ISL1: variants seen among roughly 807,000 people sequenced by gnomAD.
ISL1 encodes insulin gene enhancer protein ISL-1.
ISL1 carries 4 observed loss-of-function variants against 35.3 expected under a neutral mutation model. The ratio of observed to expected loss-of-function variants is 0.11; its 90% confidence interval spans 0.06 to 0.26. ISL1 has a LOEUF of 0.26. Ranked by LOEUF, ISL1 falls within the 10% of genes least tolerant of loss-of-function variation. ISL1 has a pLI of 1.00. For missense variants in ISL1, 340 were observed against 472.8 expected (o/e 0.72, Z 2.60); for synonymous variants, 186 against 172.3 (o/e 1.08, Z -0.62).
In ISL1 at chr5:51,391,603, G is replaced by GA. The variant is rs575187845; in HGVS notation, c.933+166dup. ...TGAAGAGAAGGGAGACAAATGCAGG[G>GA]AAAACGAACCTCTTGGCATCTTTTT... is the stretch of plus-strand genomic sequence containing the variant. On this transcript the variant is annotated intron_variant, in intron 5 of 5. Transcript: ENST00000230658. 8 of 734,436 alleles carry GA rather than the reference G, an allele frequency of 1.1e-5. No individual in the cohort carries two copies. In the African/African-American group the frequency reaches 1.4e-4, roughly 13 times the overall value. The allele number at this position is 734,436 out of a possible 1,614,324, so 45.5% of individuals were successfully genotyped here.
At position 51,389,633 on chromosome 5, in the gene ISL1, C is replaced by A. The variant is rs750806495; in HGVS notation, c.479-13C>A. ...CCTCCAGCCCAGCGCTCACGGCGCT[C>A]CTTGCCCCGCAGCGGAGCCCATCTC... On this transcript the variant is annotated splice_polypyrimidine_tract_variant and intron_variant, in intron 3 of 5. Coordinates refer to ENST00000230658, the MANE Select transcript of ISL1 (RefSeq NM_002202.3). This position sits in a 1 kb window ranked among gnomAD's most constrained non-coding sequence, Gnocchi z 5.0. 1.2e-6 allele frequency: 2 copies of A among 1,603,470 alleles called. No individual in the cohort carries two copies. The highest frequency in any genetic ancestry group is 8.5e-7 in the Non-Finnish European group (1 of 1,178,118).
intron 5 of ISL1, among the ~76,000 whole-genome samples, chr5:51,392,432 A>G (rs1747539379): frequency 6.6e-6 from 1 of 152,152 alleles, no homozygotes; most frequent in Admixed American, 6.5e-5. Flanking sequence ...TTTTACCCTC[A>G]TATTTACCTG....
At position 51,391,254 on chromosome 5, in the gene ISL1, GT is replaced by G. The variant is rs753177844; in HGVS notation, c.766-18del. 231 of 1,611,524 alleles carry G rather than the reference GT, an allele frequency of 1.4e-4. 1 individual carries two copies. Among genetic ancestry groups the G allele is most frequent in the Admixed American group, 9.2e-4 (55 of 59,988 alleles). Reference sequence around the variant, plus strand: ...TTTGCTCATTAACATGTTGGGATTGGTTGGGGGGCCTATTCACAGAATATCC... The same window carrying G: ...TTTGCTCATTAACATGTTGGGATTGGTGGGGGGCCTATTCACAGAATATCC... On this transcript the variant is annotated intron_variant, in intron 4 of 5. Transcript: ENST00000230658.
In ISL1 at chr5:51,389,964, G is replaced by T. The variant is rs1284110608; in HGVS notation, c.765+32G>T. The T allele has an allele frequency of 2.5e-6, 4 of 1,608,186 alleles. No individual in the cohort carries two copies. The highest frequency in any genetic ancestry group is 3.4e-6 in the Non-Finnish European group (4 of 1,175,976). ...GGCTCTGGGGCCGGGCAGGGAATGC[G>T]AGGGGGAAGGAGACGCAGCGTGCGA... On this transcript the variant is annotated intron_variant, in intron 4 of 5. Coordinates refer to ENST00000230658, the MANE Select transcript of ISL1 (RefSeq NM_002202.3). This position sits in a 1 kb window ranked among gnomAD's most constrained non-coding sequence, Gnocchi z 5.0.
chr5:51,387,877 T>G lies in ISL1; in HGVS notation c.478+128T>G, dbSNP rs1272363048. The G allele has an allele frequency of 5.5e-6, 7 of 1,264,156 alleles. No individual in the cohort carries two copies. In the Admixed American group the frequency reaches 1.4e-4, roughly 25 times the overall value. The allele number at this position is 1,264,156 out of a possible 1,614,324, so 78.3% of individuals were successfully genotyped here. ...GCCTGCAGTTAAATGAAGTGTTCTG[T>G]ATGCAATTTGCGCTGTGCTCTGCTC... is the stretch of plus-strand genomic sequence containing the variant. On this transcript the variant is annotated intron_variant, in intron 3 of 5. Transcript: ENST00000230658. The surrounding 1 kb of genome is among the most constrained non-coding windows in gnomAD (Gnocchi z 4.3).
rs3138746 is a variant in ISL1, at chr5:51,386,376, C to CTGTGTG, written c.219-1082_219-1077dup. 2,446 of 262,692 alleles carry CTGTGTG rather than the reference C, an allele frequency of 9.3e-3. 19 individuals are homozygous for CTGTGTG. Among genetic ancestry groups the CTGTGTG allele is most frequent in the African/African-American group, 0.02 (859 of 43,224 alleles). The allele number at this position is 262,692 out of a possible 1,614,324, so 16.3% of individuals were successfully genotyped here. A position where few individuals can be genotyped will look rare whatever the true frequency, so the allele number is the denominator to read the frequency against. On this transcript the variant is annotated intron_variant, in intron 2 of 5. Coordinates refer to ENST00000230658, the MANE Select transcript of ISL1 (RefSeq NM_002202.3). ...ACCTTCTCTTCACTCTCTCTCAACT[C>CTGTGTG]TGTGTGTGTGTGTGTGTGTGTGTGT...
Position 51,393,536 on chromosome 5 carries a change from A to T in ISL1, c.976A>T (p.Ser326Cys). 6.2e-7 allele frequency: 1 copy of T among 1,614,046 alleles called. No individual in the cohort carries two copies. The highest frequency in any genetic ancestry group is 8.5e-7 in the Non-Finnish European group (1 of 1,179,886). Residue 326 changes from serine to cysteine, a missense_variant, in exon 6 of 6, where the codon AGT becomes TGT. Transcript: ENST00000230658. ...AGGACCGGGCTCTAATTCCACTGGC[A>T]GTGAAGTAGCATCAATGTCCTCTCA... ...EGGPGSNSTG[S>C]EVASMSSQLP...
chr5:51,389,514 G>A lies in ISL1; in HGVS notation c.479-132G>A. On this transcript the variant is annotated intron_variant, in intron 3 of 5. Coordinates refer to ENST00000230658, the MANE Select transcript of ISL1 (RefSeq NM_002202.3). The surrounding 1 kb of genome is among the most constrained non-coding windows in gnomAD (Gnocchi z 5.0). ...GGCTGCAAACCCTAGCCATTGTCCT[G>A]AGTATCTCGGGCGGGCGAGCAAGTA... 1 of 766,744 alleles carries A rather than the reference G, an allele frequency of 1.3e-6. No homozygotes were observed. Among genetic ancestry groups the A allele is most frequent in the East Asian group, 3.4e-5 (1 of 29,358 alleles). The allele number at this position is 766,744 out of a possible 1,614,324, so 47.5% of individuals were successfully genotyped here.
Position 51,389,634 on chromosome 5 carries a change from C to T in ISL1, c.479-12C>T. 2 of 1,604,000 alleles carry T rather than the reference C, an allele frequency of 1.2e-6. No individual in the cohort carries two copies. Among genetic ancestry groups the T allele is most frequent in the Non-Finnish European group, 1.7e-6 (2 of 1,178,298 alleles). ...CTCCAGCCCAGCGCTCACGGCGCTC[C>T]TTGCCCCGCAGCGGAGCCCATCTCC... On this transcript the variant is annotated splice_polypyrimidine_tract_variant and intron_variant, in intron 3 of 5. Transcript: ENST00000230658. The surrounding 1 kb of genome is among the most constrained non-coding windows in gnomAD (Gnocchi z 5.0).
In ISL1 at chr5:51,393,746, A is replaced by T. The variant is rs1456091983; in HGVS notation, c.*136A>T. Reference sequence around the variant, plus strand: ...AATGAATGCTCCATGAAATGCACGAAGTCTGTTTTAATGACAAGGTGATAT... The same window carrying T: ...AATGAATGCTCCATGAAATGCACGATGTCTGTTTTAATGACAAGGTGATAT... On this transcript the variant is annotated 3_prime_UTR_variant, in exon 6 of 6. Transcript: ENST00000230658. The T allele has an allele frequency of 2.6e-5, 19 of 718,734 alleles. No homozygotes were observed. In the East Asian group the frequency reaches 4.9e-4, roughly 19 times the overall value. 44.5% of individuals were successfully genotyped at this position (718,734 alleles called of 1,614,324 possible). A position where few individuals can be genotyped will look rare whatever the true frequency, so the allele number is the denominator to read the frequency against.
At chr5:51,383,806 C>T (rs866001377) in intron 1 of ISL1, 107 bp downstream of exon 1, 3 of 973,508 alleles carry the variant, frequency 3.1e-6, no homozygotes, top group Middle Eastern at 2.2e-4. Flanking sequence ...GGAGTCATTG[C>T]CTGGAGAAAG....
intron 5 of ISL1, 75 bp downstream of exon 5, chr5:51,391,516 G>A (rs757451571): frequency 1.3e-6 from 2 of 1,545,866 alleles, no homozygotes; most frequent in African/African-American, 1.4e-5. Flanking sequence ...CACATTGAAA[G>A]ATTCAGTGGG....
intron 5 of ISL1, 25 bp from the exon 6 acceptor site, chr5:51,393,465 CTTTA>C (rs1347965435): frequency 4.1e-6 from 5 of 1,211,452 alleles, no homozygotes; most frequent in Non-Finnish European, 6.2e-6. Context: ...TTCCAGTGTC[CTTTA>C]TTTATTTCTC....
chr5:51,390,636 C>CTTTTCTTTT (rs1747476771), intron 4 of ISL1, among the ~76,000 whole-genome samples: 1 of 74,328 alleles, frequency 1.3e-5, no homozygotes, highest in African/African-American at 4.2e-5. Flanking sequence ...TCTTTTCTTT[C>CTTTTCTTTT]TTTTTCTTTT....
At chr5:51,392,708 A>C (rs1432450508) in intron 5 of ISL1, among the ~76,000 whole-genome samples, 1 of 152,200 alleles carries the variant, frequency 6.6e-6, no homozygotes, top group Non-Finnish European at 1.5e-5. Flanking sequence ...GCTTCAGGGC[A>C]GCCAAATGTT....
intron 2 of ISL1, chr5:51,386,596 C>T (rs537715392): frequency 1.8e-5 from 8 of 455,848 alleles, no homozygotes; most frequent in Admixed American, 1.6e-4. Context: ...GGAAGTGCAG[C>T]CTAGATGGAA....
chr5:51,386,413 TAA>T, intron 2 of ISL1: 1 of 360,892 alleles, frequency 2.8e-6, no homozygotes, highest in Non-Finnish European at 5.4e-6. Flanking sequence ...TGTGTGTGTG[TAA>T]TCTTGTAGTT....
intron 5 of ISL1, 120 bp from the exon 6 acceptor site, chr5:51,393,374 G>A: frequency 1.4e-6 from 1 of 725,418 alleles, no homozygotes; most frequent in Non-Finnish European, 2.5e-6. Flanking sequence ...AGTTATCTAT[G>A]TGAATATCTT....
intron 1 of ISL1, 134 bp from the exon 2 acceptor site, chr5:51,384,403 TAAAA>T (rs61652519): frequency 3.5e-4 from 206 of 584,838 alleles, no homozygotes; most frequent in Admixed American, 3.2e-4. Context: ...TGCAATGCTC[TAAAA>T]AAAAAAAAAA....
Sources: gnomAD v4.1 joint callset for allele counts (sites outside exome capture counted in the v4.1 genomes callset) on GRCh38, gnomAD v4.1.1 for gene constraint, Gnocchi (gnomAD v3.1) non-coding constraint, MANE v1.5 for transcripts, NCBI Gene and HGNC (gene_info 2026-07-23, HGNC 2026-07-21) for gene names.